The following METTL24 variants were observed in gnomAD, a reference collection of about 807,000 sequenced individuals.
METTL24 encodes the protein probable methyltransferase-like protein 24.
In METTL24, 29 loss-of-function variants were observed where a neutral mutation model predicts 32.7. The ratio of observed to expected loss-of-function variants is 0.89; its 90% CI spans 0.66 to 1.21. The LOEUF is 1.21. Among genes scored for constraint, METTL24 ranks in the 50% most tolerant of loss-of-function variants. The probability of loss-of-function intolerance (pLI) is 0.00; values close to 1 mark genes in which losing one functional copy is unlikely to be tolerated. For missense variants in METTL24, 439 were observed against 468.1 expected, an observed-to-expected ratio of 0.94 and a Z score of 0.57; for synonymous variants, 163 against 179.5, an observed-to-expected ratio of 0.91 and a Z score of 0.73.
chr6:110,284,170 A>G (rs1324909043), intron 4 of METTL24, among the ~76,000 whole-genome samples: 1 of 152,188 alleles, frequency 6.6e-6, no homozygotes. Flanking sequence ...AGGCAAATTC[A>G]TAGAGACAGG....
At chr6:110,262,860 G>T (rs890770177) in intron 4 of METTL24, among the ~76,000 whole-genome samples, 1 of 152,018 alleles carries the variant, frequency 6.6e-6, no homozygotes, top group African/African-American at 2.4e-5. Flanking sequence ...CAGAACCAAC[G>T]ACAAAAACCA....
intron 3 of METTL24, among the ~76,000 whole-genome samples, chr6:110,302,860 A>C (rs577263231): frequency 6.6e-6 from 1 of 152,282 alleles, no homozygotes; most frequent in Admixed American, 6.5e-5. Flanking sequence ...AATTGAAAAG[A>C]GTTTCTGGCA....
Position 110,246,281 on chromosome 6 carries a change from G to T in METTL24, c.787-21C>A, listed in dbSNP as rs117779954. 1.1e-4 allele frequency: 177 copies of T among 1,561,720 alleles called. 1 individual carries two copies. In the East Asian group the frequency reaches 3.7e-3, roughly 33 times the overall value. Reference sequence around the variant, plus strand: ...TCAATCTGTAACAAAGCAATGAAATGAGATTAGCAGATTTAGTAAAACTAT... The same window carrying T: ...TCAATCTGTAACAAAGCAATGAAATTAGATTAGCAGATTTAGTAAAACTAT... On this transcript the variant is annotated intron_variant, in intron 4 of 4. Coordinates refer to ENST00000338882, the MANE Select transcript of METTL24 (RefSeq NM_001123364.3).
chr6:110,340,082 CA>C (rs1226871997), intron 1 of METTL24, among the ~76,000 whole-genome samples: 1 of 152,104 alleles, frequency 6.6e-6, no homozygotes, highest in Non-Finnish European at 1.5e-5. Flanking sequence ...TGAAACAACA[CA>C]AAAATCAATA....
At chr6:110,346,504 CTTT>C (rs3068847) in intron 1 of METTL24, among the ~76,000 whole-genome samples, 3 of 133,970 alleles carry the variant, frequency 2.2e-5, no homozygotes, top group Non-Finnish European at 1.6e-5. Flanking sequence ...CTCTCTCTCT[CTTT>C]TTTTTTTTTT....
intron 4 of METTL24, among the ~76,000 whole-genome samples, chr6:110,292,977 A>G (rs974004342): frequency 6.6e-6 from 1 of 151,958 alleles, no homozygotes; most frequent in Non-Finnish European, 1.5e-5. Flanking sequence ...ATGCAATAGT[A>G]CCATTTTTAT....
chr6:110,248,174 G>A (rs1030970489), intron 4 of METTL24, among the ~76,000 whole-genome samples: 13 of 152,074 alleles, frequency 8.5e-5, no homozygotes, highest in South Asian at 2.1e-4. Context: ...AGCAGATACC[G>A]GCACCATGCT....
intron 1 of METTL24, among the ~76,000 whole-genome samples, chr6:110,335,361 G>A (rs1772196450): frequency 6.6e-6 from 1 of 152,108 alleles, no homozygotes; most frequent in Non-Finnish European, 1.5e-5. Flanking sequence ...GTGACAAACT[G>A]TATAACATAG....
intron 4 of METTL24, among the ~76,000 whole-genome samples, chr6:110,294,482 G>C (rs1428580097): frequency 6.6e-6 from 1 of 151,890 alleles, no homozygotes; most frequent in Admixed American, 6.6e-5. Context: ...TTAGCAAAAA[G>C]AGGGGGGAAT....
In METTL24 at chr6:110,244,970, T is replaced by TTTATCTATCTATCTATCTATC. The variant is rs142492216; in HGVS notation, c.*975_*976insGATAGATAGATAGATAGATAA. On this transcript the variant is annotated 3_prime_UTR_variant, in exon 5 of 5. Transcript: ENST00000338882. ...AAACATGCCAGTAGGAAAATCTATC[T>TTTATCTATCTATCTATCTATC]TATCTATCTATCTATCTATCTATCT... Among the ~76,000 whole-genome samples the TTTATCTATCTATCTATCTATC allele has an allele frequency of 1.3e-4, 19 of 149,964 alleles. No individual in the cohort carries two copies. The highest frequency in any genetic ancestry group is 4.0e-4 in the African/African-American group (16 of 40,278).
At chr6:110,304,189 G>A (rs897481758) in intron 3 of METTL24, among the ~76,000 whole-genome samples, 1 of 152,184 alleles carries the variant, frequency 6.6e-6, no homozygotes, top group Admixed American at 6.5e-5. Context: ...ACCAAAGGTA[G>A]ATAAATCCAT....
chr6:110,291,117 T>C (rs182122775), intron 4 of METTL24, among the ~76,000 whole-genome samples: 187 of 152,320 alleles, frequency 1.2e-3, no homozygotes, highest in African/African-American at 4.4e-3. Flanking sequence ...TTTTCTGATA[T>C]ATTTGTGATG....
intron 3 of METTL24, among the ~76,000 whole-genome samples, chr6:110,300,569 C>T (rs1771501704): frequency 6.6e-6 from 1 of 151,786 alleles, no homozygotes; most frequent in Admixed American, 6.6e-5. Context: ...TACAGGTGTG[C>T]CCCACCATGC....
chr6:110,260,252 A>G (rs576155263), intron 4 of METTL24, among the ~76,000 whole-genome samples: 1 of 152,302 alleles, frequency 6.6e-6, no homozygotes, highest in Non-Finnish European at 1.5e-5. Context: ...AGAATAACCA[A>G]TGCAGAGAAG....
At chr6:110,315,756 G>C (rs1339901611) in intron 2 of METTL24, among the ~76,000 whole-genome samples, 1 of 152,158 alleles carries the variant, frequency 6.6e-6, no homozygotes, top group Non-Finnish European at 1.5e-5. Flanking sequence ...GTGCAGGAGA[G>C]AACAAATCAG....
At chr6:110,264,056 C>T (rs1770806742) in intron 4 of METTL24, among the ~76,000 whole-genome samples, 1 of 152,006 alleles carries the variant, frequency 6.6e-6, no homozygotes, top group African/African-American at 2.4e-5. Flanking sequence ...AGGACATAGG[C>T]ATGGGCAAGG....
rs115330422 is a variant in METTL24 at position 110,277,944 on chromosome 6, G to A, written c.786+20978C>T. On this transcript the variant is annotated intron_variant, in intron 4 of 4. Transcript: ENST00000338882. ...GTAAGAAGCAAAAAGAAGGGTGTTT[G>A]GCATTCTTCACATGATAAATTTTCC... 4.8e-3 allele frequency among the ~76,000 whole-genome samples: 730 copies of A among 152,176 alleles called. 2 individuals are homozygous for A. Among genetic ancestry groups the A allele is most frequent in the African/African-American group, 0.017 (700 of 41,536 alleles).
At chr6:110,327,691 A>C (rs1772039767) in intron 1 of METTL24, among the ~76,000 whole-genome samples, 1 of 152,234 alleles carries the variant, frequency 6.6e-6, no homozygotes, top group Non-Finnish European at 1.5e-5. Context: ...TTAATTCTCT[A>C]GTGTATACAT....
chr6:110,290,069 C>T (rs1771291404), intron 4 of METTL24, among the ~76,000 whole-genome samples: 1 of 152,008 alleles, frequency 6.6e-6, no homozygotes, highest in South Asian at 2.1e-4. Flanking sequence ...GTGTGTGTCA[C>T]CACACCTGGC....
Sources: allele counts gnomAD v4.1 joint callset (sites outside exome capture counted in the v4.1 genomes callset), GRCh38; gene constraint gnomAD v4.1.1; transcripts MANE v1.5; gene names NCBI Gene and HGNC (gene_info 2026-07-23, HGNC 2026-07-21).